Variants in MAPKAPK3 observed in about 807,000 individuals in gnomAD.
The protein encoded by MAPKAPK3 is MAP kinase-activated protein kinase 3.
Under a neutral mutation model 49.2 loss-of-function variants are expected in MAPKAPK3, and 35 were observed. The ratio of observed to expected loss-of-function variants is 0.71; its 90% CI spans 0.54 to 0.94. The LOEUF (loss-of-function observed/expected upper bound fraction) is 0.94. MAPKAPK3 is among the 40% of genes least tolerant of loss of function. The pLI, the probability that MAPKAPK3 is intolerant of heterozygous loss-of-function variation, is 0.00. For missense variants in MAPKAPK3, 398 were observed against 493.1 expected (o/e 0.81, Z 1.83); for synonymous variants, 178 against 188.7 (o/e 0.94, Z 0.46).
At chr3:50,612,278 G>C (rs1277012574), upstream of MAPKAPK3, 2 of 152,306 alleles carry the variant, frequency 1.3e-5, no homozygotes, top group African/African-American at 4.8e-5. Context: ...AGGGCGGGGG[G>C]CGGAGTCCCG....
chr3:50,618,846 C>A (rs960922661), intron 2 of MAPKAPK3, among the ~76,000 whole-genome samples: 1 of 152,150 alleles, frequency 6.6e-6, no homozygotes, highest in Non-Finnish European at 1.5e-5. Context: ...TGCGCCACCA[C>A]GCCCAGCTAA....
At chr3:50,637,693 A>AAGAGAGAG (rs34205773) in intron 2 of MAPKAPK3, among the ~76,000 whole-genome samples, 109 of 145,000 alleles carry the variant, frequency 7.5e-4, no homozygotes, top group Middle Eastern at 3.5e-3. Flanking sequence ...CAGAGAGAGA[A>AAGAGAGAG]AGAGAGAGAG....
chr3:50,644,504 G>T lies in MAPKAPK3; in HGVS notation c.600G>T (p.Gln200His). 4 of 1,614,214 alleles carry T rather than the reference G, an allele frequency of 2.5e-6. No individual in the cohort carries two copies. Among genetic ancestry groups the T allele is most frequent in the Non-Finnish European group, 3.4e-6 (4 of 1,180,042 alleles). Residue 200 changes from glutamine to histidine, a missense_variant, in exon 6 of 11, where the codon CAG (glutamine) becomes CAT (histidine). By Grantham distance (24) the Gln-to-His change is conservative. This residue lies in a region of MAPKAPK3 where 30 missense variants were observed against 70.5 expected (regional missense o/e 0.43). Transcript: ENST00000621469. ...FAKETTQNAL[Q>H]TPCYTPYYVA... ...AGGAGACCACCCAAAATGCCCTGCA[G>T]ACACCCTGCTATACTCCCTATTATG...
At position 50,645,729 on chromosome 3, in the gene MAPKAPK3, A is replaced by G; in HGVS notation, c.648A>G (p.Pro216=). The change falls in exon 7 of 11, where the codon CCA becomes CCG. Residue 216 remains proline, a synonymous_variant. Coordinates refer to ENST00000621469, the MANE Select transcript of MAPKAPK3 (RefSeq NM_001243925.2). ...PYYVAPEVLG[P]EKYDKSCDMW... is the part of the protein sequence containing the mutation. Reference sequence around the variant, plus strand: ...TGGCAGCCCCTGAGGTCCTGGGTCCAGAGAAGTATGACAAGTCATGTGACA... The same window carrying G: ...TGGCAGCCCCTGAGGTCCTGGGTCCGGAGAAGTATGACAAGTCATGTGACA... 6.2e-7 allele frequency: 1 copy of G among 1,614,094 alleles called. No homozygotes were observed. Among genetic ancestry groups the G allele is most frequent in the Non-Finnish European group, 8.5e-7 (1 of 1,179,966 alleles).
chr3:50,620,295 C>G (rs2107573263), intron 2 of MAPKAPK3, among the ~76,000 whole-genome samples: 1 of 152,272 alleles, frequency 6.6e-6, no homozygotes, highest in African/African-American at 2.4e-5. Context: ...TGATGGATCA[C>G]AGTCCTCTCC....
upstream of MAPKAPK3, among the ~76,000 whole-genome samples, chr3:50,613,296 A>T (rs2032383742): frequency 6.6e-6 from 1 of 152,202 alleles, no homozygotes; most frequent in African/African-American, 2.4e-5. Flanking sequence ...GGCAAAAGAA[A>T]CCTGAAAGCA....
In MAPKAPK3 at chr3:50,617,690, A is replaced by C. The variant is rs1338275124; in HGVS notation, c.125A>C (p.Asp42Ala). ...CCCAAGAAGTACGCAGTGACCGACG[A>C]CTACCAGTTGTCCAAGCAGGTGCTG... ...REPKKYAVTD[D>A]YQLSKQVLGL... Residue 42 changes from aspartate to alanine, a missense_variant, in exon 2 of 11, where the codon GAC becomes GCC. Asp to Ala is a moderately radical substitution (Grantham distance 126). This residue lies in a region of MAPKAPK3 where 123 missense variants were observed against 117.7 expected (regional missense o/e 1.04). Coordinates refer to ENST00000621469, the MANE Select transcript of MAPKAPK3 (RefSeq NM_001243925.2). 6.2e-7 allele frequency: 1 copy of C among 1,613,406 alleles called. No individual in the cohort carries two copies. The highest frequency in any genetic ancestry group is 8.5e-7 in the Non-Finnish European group (1 of 1,179,950).
At chr3:50,620,390 G>A (rs569648350) in intron 2 of MAPKAPK3, among the ~76,000 whole-genome samples, 14 of 152,248 alleles carry the variant, frequency 9.2e-5, no homozygotes, top group African/African-American at 3.1e-4. Context: ...TGCCTCCCTG[G>A]TGATGTACTC....
chr3:50,643,679 T>G (rs1415732383), intron 5 of MAPKAPK3, among the ~76,000 whole-genome samples: 1 of 152,140 alleles, frequency 6.6e-6, no homozygotes, highest in Non-Finnish European at 1.5e-5. Context: ...CTTCTCTGTT[T>G]TTATCACAAT....
intron 2 of MAPKAPK3, among the ~76,000 whole-genome samples, chr3:50,639,888 G>A (rs1275356270): frequency 3.9e-5 from 6 of 152,266 alleles, no homozygotes; most frequent in Non-Finnish European, 8.8e-5. Context: ...GGCACCAAGG[G>A]CCTACTATGT....
intron 2 of MAPKAPK3, among the ~76,000 whole-genome samples, chr3:50,634,504 T>C (rs1017999016): frequency 1.3e-5 from 2 of 151,714 alleles, no homozygotes; most frequent in Admixed American, 6.6e-5. Context: ...TTTTTTTTTT[T>C]CTGAGGCAAA....
intron 4 of MAPKAPK3, 58 bp from the exon 5 acceptor site, chr3:50,642,195 G>T: frequency 1.8e-6 from 2 of 1,121,580 alleles, no homozygotes; most frequent in Admixed American, 1.7e-5. Flanking sequence ...AGGGATGATA[G>T]GGTGGGGGCT....
chr3:50,643,544 T>C (rs572411317), intron 5 of MAPKAPK3, among the ~76,000 whole-genome samples: 1 of 152,354 alleles, frequency 6.6e-6, no homozygotes, highest in East Asian at 1.9e-4. Flanking sequence ...AGCTGCTGCA[T>C]AAGGTCCTCC....
At chr3:50,626,948 T>C (rs2032761749) in intron 2 of MAPKAPK3, among the ~76,000 whole-genome samples, 1 of 151,976 alleles carries the variant, frequency 6.6e-6, no homozygotes, top group African/African-American at 2.4e-5. Flanking sequence ...ATCCCAGCAC[T>C]TTGGGAGGCT....
chr3:50,635,758 T>A (rs2033022424), intron 2 of MAPKAPK3, among the ~76,000 whole-genome samples: 1 of 151,518 alleles, frequency 6.6e-6, no homozygotes, highest in Non-Finnish European at 1.5e-5. Context: ...TGAGAGGTTT[T>A]CCCCCTCATC....
rs779853542 is a variant in MAPKAPK3 at position 50,646,166 on chromosome 3, C to G, written c.731C>G (p.Ser244Cys). ...ILLCGFPPFYSNTGQAISPGM... is the reference protein window; with the variant it reads ...ILLCGFPPFYCNTGQAISPGM... ...CTTTGTGGCTTCCCACCCTTCTACT[C>G]CAACACGGGCCAGGCCATCTCCCCG... Residue 244 changes from serine to cysteine, a missense_variant, in exon 8 of 11, where the codon TCC (serine) becomes TGC (cysteine). Transcript: ENST00000621469. The G allele has an allele frequency of 6.2e-7, 1 of 1,614,142 alleles. No individual in the cohort carries two copies. Among genetic ancestry groups the G allele is most frequent in the East Asian group, 2.2e-5 (1 of 44,882 alleles).
rs1416914463 is a variant in MAPKAPK3, at chr3:50,647,888, C to T, written c.997-6C>T. ...TCTTAGTGCCCACCATCCTGTCTGTCCCCAGGAGGAGATGACCAGTGCCTT... is the reference window on the plus strand; with the variant it reads ...TCTTAGTGCCCACCATCCTGTCTGTTCCCAGGAGGAGATGACCAGTGCCTT... On this transcript the variant is annotated splice_polypyrimidine_tract_variant and splice_region_variant and intron_variant, in intron 10 of 10. Coordinates refer to ENST00000621469, the MANE Select transcript of MAPKAPK3 (RefSeq NM_001243925.2). 4.3e-6 allele frequency: 7 copies of T among 1,610,974 alleles called. No homozygotes were observed. In the Admixed American group the frequency reaches 8.4e-5, roughly 19 times the overall value.
chr3:50,625,780 G>C (rs143783628), intron 2 of MAPKAPK3, among the ~76,000 whole-genome samples: 1 of 152,104 alleles, frequency 6.6e-6, no homozygotes, highest in African/African-American at 2.4e-5. Context: ...TGCCTGTCTC[G>C]TGTGTTTCAG....
chr3:50,646,014 C>T (rs1457968553), intron 7 of MAPKAPK3, 126 bp from the exon 8 acceptor site: 25 of 1,289,224 alleles, frequency 1.9e-5, no homozygotes, highest in Non-Finnish European at 2.6e-5. Context: ...CCTGGGAGTC[C>T]GGAGGGCTGG....
Sources: allele counts gnomAD v4.1 joint callset (sites outside exome capture counted in the v4.1 genomes callset), GRCh38; gene constraint gnomAD v4.1.1; regional missense constraint gnomAD v4.1.1; transcripts MANE v1.5; gene names NCBI Gene and HGNC (gene_info 2026-07-23, HGNC 2026-07-21).